The following ADAMTS17 variants were observed in gnomAD, a reference collection of about 807,000 sequenced individuals.
ADAMTS17 encodes the protein A disintegrin and metalloproteinase with thrombospondin motifs 17.
In ADAMTS17, 113 loss-of-function variants were observed where a neutral mutation model predicts 141.5. The ratio of observed to expected loss-of-function variants is 0.80; its 90% CI spans 0.69 to 0.93. The LOEUF (loss-of-function observed/expected upper bound fraction) is 0.93. ADAMTS17 is among the 40% of genes least tolerant of loss of function. The probability of loss-of-function intolerance (pLI) is 0.00; values close to 1 mark genes in which losing one functional copy is unlikely to be tolerated. For missense variants in ADAMTS17, 1,659 were observed against 1,517.9 expected (o/e 1.09, Z -1.54); for synonymous variants, 768 against 630.6 (o/e 1.22, Z -3.27).
chr15:100,327,524 C>T (rs1355172909), intron 3 of ADAMTS17, among the ~76,000 whole-genome samples: 1 of 152,128 alleles, frequency 6.6e-6, no homozygotes, highest in African/African-American at 2.4e-5. Flanking sequence ...TCTACTTCTA[C>T]CACACACATG....
At chr15:100,269,659 G>A (rs1416128082) in intron 4 of ADAMTS17, among the ~76,000 whole-genome samples, 1 of 152,138 alleles carries the variant, frequency 6.6e-6, no homozygotes, top group East Asian at 1.9e-4. Flanking sequence ...CTGGAGGAGG[G>A]ACAGTAGACA....
Position 100,303,565 on chromosome 15 carries a change from T to C in ADAMTS17, c.617-22164A>G, listed in dbSNP as rs371234946. Reference sequence around the variant, plus strand: ...TAGACCACAAATACTCACATCTATGTTTGCTTCTAAGACTCTGATAGTTTT... The same window carrying C: ...TAGACCACAAATACTCACATCTATGCTTGCTTCTAAGACTCTGATAGTTTT... On this transcript the variant is annotated intron_variant, in intron 3 of 21. Coordinates refer to ENST00000268070, the MANE Select transcript of ADAMTS17 (RefSeq NM_139057.4). 2.4e-3 allele frequency among the ~76,000 whole-genome samples: 361 copies of C among 152,294 alleles called. 1 individual carries two copies. Among genetic ancestry groups the C allele is most frequent in the African/African-American group, 8.3e-3 (343 of 41,572 alleles).
At chr15:100,238,812 T>C (rs572479366) in intron 7 of ADAMTS17, among the ~76,000 whole-genome samples, 1 of 152,116 alleles carries the variant, frequency 6.6e-6, no homozygotes, top group Non-Finnish European at 1.5e-5. Flanking sequence ...AGGCAGGGCG[T>C]GGTGGCTCAC....
At chr15:100,079,077 G>A (rs1469340612) in intron 15 of ADAMTS17, among the ~76,000 whole-genome samples, 2 of 152,228 alleles carry the variant, frequency 1.3e-5, no homozygotes, top group Non-Finnish European at 2.9e-5. Context: ...AGAACATGGA[G>A]AAACAGTAGC....
chr15:100,321,168 A>G (rs1403366879), intron 3 of ADAMTS17, among the ~76,000 whole-genome samples: 2 of 152,224 alleles, frequency 1.3e-5, no homozygotes, highest in African/African-American at 4.8e-5. Context: ...CTTCCTTTAT[A>G]TATTTTTAAG....
At chr15:100,068,008 G>C (rs2033672207) in intron 15 of ADAMTS17, among the ~76,000 whole-genome samples, 2 of 152,196 alleles carry the variant, frequency 1.3e-5, no homozygotes, top group Non-Finnish European at 2.9e-5. Flanking sequence ...CCTAGTCAAA[G>C]AAAGGGGTGA....
chr15:100,118,461 C>A (rs1596480461), intron 12 of ADAMTS17, among the ~76,000 whole-genome samples: 1 of 152,170 alleles, frequency 6.6e-6, no homozygotes, highest in African/African-American at 2.4e-5. Context: ...ACTGGTGGCC[C>A]CATAGTGGGG....
At chr15:100,085,377 T>C (rs750651744) in intron 15 of ADAMTS17, among the ~76,000 whole-genome samples, 8 of 138,248 alleles carry the variant, frequency 5.8e-5, no homozygotes, top group Non-Finnish European at 1.2e-4. Flanking sequence ...TTGGTGGACC[T>C]GAAAGTGACG....
At chr15:100,145,359 T>C (rs1176485415) in intron 10 of ADAMTS17, among the ~76,000 whole-genome samples, 1 of 152,216 alleles carries the variant, frequency 6.6e-6, no homozygotes, top group Non-Finnish European at 1.5e-5. Flanking sequence ...GCTTCACCCC[T>C]AAAACTCCTG....
At chr15:100,027,525 C>G (rs994821469) in intron 18 of ADAMTS17, among the ~76,000 whole-genome samples, 9 of 152,214 alleles carry the variant, frequency 5.9e-5, no homozygotes, top group African/African-American at 1.7e-4. Flanking sequence ...TGATACTTGT[C>G]TTGGTGAATA....
At chr15:100,109,157 G>A in intron 13 of ADAMTS17, 41 bp from the exon 14 acceptor site, 1 of 1,576,166 alleles carries the variant, frequency 6.3e-7, no homozygotes, top group Non-Finnish European at 8.6e-7. Flanking sequence ...ACGGGAAGGT[G>A]TGCGTGGGCC....
At chr15:100,234,702 C>T (rs900650873) in intron 7 of ADAMTS17, among the ~76,000 whole-genome samples, 1 of 152,220 alleles carries the variant, frequency 6.6e-6, no homozygotes, top group Admixed American at 6.5e-5. Context: ...AGAGGAAACG[C>T]TGCAACCAGC....
intron 13 of ADAMTS17, among the ~76,000 whole-genome samples, chr15:100,110,050 T>A (rs1204393583): frequency 1.3e-5 from 2 of 151,908 alleles, no homozygotes; most frequent in Non-Finnish European, 2.9e-5. Flanking sequence ...GGATGACTTT[T>A]ATTCATCTTC....
At chr15:100,250,971 C>G (rs1253910759) in intron 7 of ADAMTS17, among the ~76,000 whole-genome samples, 1 of 152,176 alleles carries the variant, frequency 6.6e-6, no homozygotes, top group Non-Finnish European at 1.5e-5. Context: ...TTATATTTTT[C>G]TGTTCATCGA....
rs142403662 is a variant in ADAMTS17 at position 100,201,533 on chromosome 15, G to A, written c.1076-2110C>T. Among the ~76,000 whole-genome samples the A allele has an allele frequency of 1.6e-3, 244 of 152,252 alleles. 6 individuals are homozygous for A. The East Asian group carries it at 0.036, about 22-fold the overall frequency. On this transcript the variant is annotated intron_variant, in intron 7 of 21. Transcript: ENST00000268070. ...ACTAATACATCCTCCTTCCTCATCC[G>A]CTCCAAAAGGCGCAGAGGAAGCTCA...
At chr15:100,163,403 G>A (rs1481173903) in intron 8 of ADAMTS17, among the ~76,000 whole-genome samples, 1 of 151,870 alleles carries the variant, frequency 6.6e-6, no homozygotes, top group Non-Finnish European at 1.5e-5. Context: ...CCATGCTGAG[G>A]GTGACTCTGG....
chr15:100,298,390 T>C (rs1280236750), intron 3 of ADAMTS17, among the ~76,000 whole-genome samples: 1 of 152,052 alleles, frequency 6.6e-6, no homozygotes, highest in Non-Finnish European at 1.5e-5. Context: ...CAACTGTCGC[T>C]CTGCAAGCCC....
intron 8 of ADAMTS17, among the ~76,000 whole-genome samples, chr15:100,197,194 C>A (rs181160602): frequency 1.3e-5 from 2 of 152,218 alleles, no homozygotes; most frequent in Admixed American, 1.3e-4. Flanking sequence ...GACCTCCATG[C>A]GGCATGTGTG....
At chr15:100,153,740 G>A (rs1410144630) in intron 9 of ADAMTS17, among the ~76,000 whole-genome samples, 1 of 152,142 alleles carries the variant, frequency 6.6e-6, no homozygotes, top group Non-Finnish European at 1.5e-5. Flanking sequence ...ATTTCTAAAG[G>A]CAGATGGTTT....
Sources: gnomAD v4.1 joint callset for allele counts (sites outside exome capture counted in the v4.1 genomes callset) on GRCh38, gnomAD v4.1.1 for gene constraint, MANE v1.5 for transcripts, NCBI Gene and HGNC (gene_info 2026-07-23, HGNC 2026-07-21) for gene names.